Variants in CDH12 observed in about 807,000 individuals in gnomAD.
CDH12 encodes cadherin 12, also known as cadherin-12.
A neutral mutation model predicts 74.1 loss-of-function variants in CDH12; 41 were observed. The observed-to-expected ratio is 0.55, with a 90% CI of 0.43 to 0.72. CDH12 has a LOEUF of 0.72. Among genes scored for constraint, CDH12 ranks in the 30% least tolerant of loss-of-function variants. CDH12 has a pLI of 0.00. For synonymous variants in CDH12, 399 were observed against 355.0 expected, an observed-to-expected ratio of 1.12 and a Z score of -1.39; for missense variants, 945 against 977.2, an observed-to-expected ratio of 0.97 and a Z score of 0.44.
At chr5:22,102,236 C>G (rs560747488) in intron 4 of CDH12, among the ~76,000 whole-genome samples, 1 of 152,236 alleles carries the variant, frequency 6.6e-6, no homozygotes, top group South Asian at 2.1e-4. Flanking sequence ...GACATTATGA[C>G]GTCCAGAGAG....
intron 1 of CDH12, among the ~76,000 whole-genome samples, chr5:22,740,358 C>T (rs1744955811): frequency 6.6e-6 from 1 of 151,476 alleles, no homozygotes; most frequent in South Asian, 2.1e-4. Flanking sequence ...AGAAATTGTT[C>T]TTTTATAGAC....
chr5:22,096,760 C>T (rs1420938242), intron 4 of CDH12, among the ~76,000 whole-genome samples: 1 of 152,134 alleles, frequency 6.6e-6, no homozygotes, highest in Non-Finnish European at 1.5e-5. Context: ...CAGCCCAGTT[C>T]ATGGCCCCTT....
intron 3 of CDH12, among the ~76,000 whole-genome samples, chr5:22,400,742 A>C (rs1166864146): frequency 6.6e-6 from 1 of 152,166 alleles, no homozygotes. Context: ...TTTGCAAAAA[A>C]AATTATGACC....
At chr5:21,959,598 A>G (rs2150108754) in intron 6 of CDH12, among the ~76,000 whole-genome samples, 1 of 151,960 alleles carries the variant, frequency 6.6e-6, no homozygotes, top group Admixed American at 6.6e-5. Flanking sequence ...CAGACTTCAA[A>G]CCAACAAAGT....
intron 3 of CDH12, among the ~76,000 whole-genome samples, chr5:22,380,786 A>C (rs1371924361): frequency 1.3e-5 from 2 of 152,126 alleles, no homozygotes; most frequent in African/African-American, 4.8e-5. Flanking sequence ...ACATAACATA[A>C]AGCTCATTTT....
intron 3 of CDH12, among the ~76,000 whole-genome samples, chr5:22,356,787 A>G (rs1740579879): frequency 6.6e-6 from 1 of 152,110 alleles, no homozygotes; most frequent in South Asian, 2.1e-4. Context: ...TCAAGGACCA[A>G]ATGATTCTCT....
chr5:22,373,533 T>C (rs889063195), intron 3 of CDH12, among the ~76,000 whole-genome samples: 1 of 152,120 alleles, frequency 6.6e-6, no homozygotes, highest in Non-Finnish European at 1.5e-5. Context: ...GTTCTGGGGC[T>C]CAAGGACAGG....
At chr5:22,672,677 A>C (rs1298605821) in intron 1 of CDH12, among the ~76,000 whole-genome samples, 1 of 152,166 alleles carries the variant, frequency 6.6e-6, no homozygotes, top group Non-Finnish European at 1.5e-5. Context: ...GTATTTTGTT[A>C]AAGCATCAGA....
chr5:22,545,311 C>CA (rs572823334), intron 1 of CDH12, among the ~76,000 whole-genome samples: 4 of 152,268 alleles, frequency 2.6e-5, no homozygotes, highest in Non-Finnish European at 5.9e-5. Flanking sequence ...GCCACAGCAG[C>CA]AATAGCATTT....
chr5:22,185,325 A>G (rs1357003885), intron 4 of CDH12, among the ~76,000 whole-genome samples: 2 of 151,838 alleles, frequency 1.3e-5, no homozygotes, highest in East Asian at 3.9e-4. Context: ...CAGCCTCCCA[A>G]GTAGCTGGGA....
intron 4 of CDH12, among the ~76,000 whole-genome samples, chr5:22,098,617 C>T (rs956341226): frequency 1.3e-5 from 2 of 152,190 alleles, no homozygotes; most frequent in African/African-American, 4.8e-5. Flanking sequence ...ACTTTCTGCT[C>T]CCCAGCTCCT....
intron 2 of CDH12, among the ~76,000 whole-genome samples, chr5:22,485,819 A>C (rs1043537027): frequency 2.6e-5 from 4 of 152,214 alleles, no homozygotes; most frequent in Admixed American, 2.6e-4. Context: ...TAATGACACA[A>C]ATGCCTACCT....
At chr5:22,822,440 C>A (rs1749754608) in intron 1 of CDH12, among the ~76,000 whole-genome samples, 1 of 152,040 alleles carries the variant, frequency 6.6e-6, no homozygotes, top group Admixed American at 6.6e-5. Flanking sequence ...TCAGAGTGAA[C>A]AGGCAACCTA....
At chr5:22,516,180 T>A (rs1312410249) in intron 1 of CDH12, among the ~76,000 whole-genome samples, 1 of 152,122 alleles carries the variant, frequency 6.6e-6, no homozygotes, top group South Asian at 2.1e-4. Context: ...ATGGCCAATG[T>A]TGAGAATGTG....
At chr5:22,272,365 T>C (rs1016177799) in intron 3 of CDH12, among the ~76,000 whole-genome samples, 1 of 151,870 alleles carries the variant, frequency 6.6e-6, no homozygotes, top group African/African-American at 2.4e-5. Flanking sequence ...TTGTGGCTGG[T>C]TTTATCTTCT....
At chr5:22,333,718 A>G (rs925221300) in intron 3 of CDH12, among the ~76,000 whole-genome samples, 1 of 152,228 alleles carries the variant, frequency 6.6e-6, no homozygotes, top group African/African-American at 2.4e-5. Flanking sequence ...ACGAATATTG[A>G]TACAAACATT....
At chr5:22,691,440 A>G (rs1742078450) in intron 1 of CDH12, among the ~76,000 whole-genome samples, 3 of 152,222 alleles carry the variant, frequency 2.0e-5, no homozygotes, top group African/African-American at 7.2e-5. Context: ...TTTACTACCT[A>G]TGTGATCTCA....
intron 2 of CDH12, among the ~76,000 whole-genome samples, chr5:22,502,419 A>G (rs1262363545): frequency 6.6e-6 from 1 of 152,052 alleles, no homozygotes; most frequent in Non-Finnish European, 1.5e-5. Flanking sequence ...TTTATAAACT[A>G]CCCAGTCTCA....
chr5:22,411,088 A>C (rs1349749704), intron 2 of CDH12, among the ~76,000 whole-genome samples: 2 of 152,004 alleles, frequency 1.3e-5, no homozygotes, highest in African/African-American at 2.4e-5. Context: ...TGTAGAGATA[A>C]ATTGGTCAGG....
Sources: gnomAD v4.1 joint callset for allele counts (sites outside exome capture counted in the v4.1 genomes callset) on GRCh38, gnomAD v4.1.1 for gene constraint, MANE v1.5 for transcripts, NCBI Gene and HGNC (gene_info 2026-07-23, HGNC 2026-07-21) for gene names.